P3H1: variants seen among roughly 807,000 people sequenced by gnomAD.
P3H1 encodes growth suppressor 1.
In P3H1, 69 loss-of-function variants were observed where a neutral mutation model predicts 84.0. The ratio of observed to expected loss-of-function variants is 0.82; its 90% CI spans 0.68 to 1.00. P3H1 has a LOEUF of 1.00. Among genes scored for constraint, P3H1 ranks in the 50% least tolerant of loss-of-function variants. The pLI, the probability that P3H1 is intolerant of heterozygous loss-of-function variation, is 0.00. For missense variants in P3H1, 878 were observed against 962.8 expected, an observed-to-expected ratio of 0.91 and a Z score of 1.17; for synonymous variants, 366 against 388.8, an observed-to-expected ratio of 0.94 and a Z score of 0.69.
chr1:42,748,087 C>T, intron 12 of P3H1, 113 bp downstream of exon 12: 1 of 793,228 alleles, frequency 1.3e-6, no homozygotes, highest in Non-Finnish European at 2.1e-6. Context: ...ACTCTGGGAA[C>T]AGCTAGCCCC....
chr1:42,746,714 G>C lies in P3H1; in HGVS notation c.2194C>G (p.Pro732Ala). The C allele has an allele frequency of 6.4e-7, 1 of 1,551,718 alleles. No individual in the cohort carries two copies. The highest frequency in any genetic ancestry group is 8.7e-7 in the Non-Finnish European group (1 of 1,146,978). ...GGACGCTGTCATAGCTCATCCTTGG[G>C]CTTCGATTCACTGCCTGAGAGAGAC... is the stretch of plus-strand genomic sequence containing the variant. ...QESLSGSESKPKDEL is the reference protein window; with the variant it reads ...QESLSGSESKAKDEL The change falls in exon 15 of 15, where the codon CCC becomes GCC. Residue 732 changes from proline to alanine, a missense_variant. By Grantham distance (27) the Pro-to-Ala change is conservative. Transcript: ENST00000296388.
At position 42,746,867 on chromosome 1, in the gene P3H1, C is replaced by A. The variant is rs767887202; in HGVS notation, c.2056-15G>T. The A allele has an allele frequency of 1.2e-6, 2 of 1,614,004 alleles. No homozygotes were observed. The highest frequency in any genetic ancestry group is 2.7e-5 in the African/African-American group (2 of 74,908). On this transcript the variant is annotated splice_polypyrimidine_tract_variant and intron_variant, in intron 14 of 14. Coordinates refer to ENST00000296388, the MANE Select transcript of P3H1 (RefSeq NM_022356.4). ...TGCACCCTGTCCTGCAAGGACAAAC[C>A]CCTGCCCATTCAGAGAGGCCTCCGC...
At chr1:42,764,423 CAAAA>C (rs769981372) in intron 1 of P3H1, among the ~76,000 whole-genome samples, 8 of 84,926 alleles carry the variant, frequency 9.4e-5, no homozygotes, top group African/African-American at 2.9e-4. Context: ...GACTCCATCT[CAAAA>C]AAAAAAAAAA....
In P3H1 at chr1:42,754,183, G is replaced by GGGGCAAGGAC. The variant is rs1175454949; in HGVS notation, c.1345+676_1345+685dup. 1.3e-5 allele frequency among the ~76,000 whole-genome samples: 2 copies of GGGGCAAGGAC among 152,210 alleles called. No homozygotes were observed. The highest frequency in any genetic ancestry group is 2.9e-5 in the Non-Finnish European group (2 of 68,026). On this transcript the variant is annotated intron_variant, in intron 8 of 14. Coordinates refer to ENST00000296388, the MANE Select transcript of P3H1 (RefSeq NM_022356.4). This position sits in a 1 kb window ranked among gnomAD's most constrained non-coding sequence, Gnocchi z 4.0. ...CTGGCCTAGCTACCTTGTGTGGGCA[G>GGGGCAAGGAC]GGGCAAGGACAGGCCAGACGGGGAA...
intron 2 of P3H1, chr1:42,761,245 C>T (rs1652702463): frequency 6.6e-6 from 1 of 152,204 alleles, no homozygotes; most frequent in Non-Finnish European, 1.5e-5. Context: ...GCTGGGATTA[C>T]AGGTGTTAGC....
intron 2 of P3H1, 47 bp downstream of exon 2, chr1:42,762,276 T>C (rs981506929): frequency 1.9e-6 from 3 of 1,594,252 alleles, no homozygotes; most frequent in Admixed American, 1.7e-5. Context: ...GTCTCTAAAA[T>C]AAATTTAAAA....
intron 1 of P3H1, among the ~76,000 whole-genome samples, chr1:42,766,293 G>A (rs1652991863): frequency 6.6e-6 from 1 of 152,200 alleles, no homozygotes; most frequent in Non-Finnish European, 1.5e-5. Flanking sequence ...ACCCCAGGCT[G>A]GACCTTTGGG....
Position 42,766,900 on chromosome 1 carries a change from G to T in P3H1, c.72C>A (p.Val24=). 6.2e-7 allele frequency: 1 copy of T among 1,609,118 alleles called. No homozygotes were observed. ...CCATGCCCCATCCTGCCTCGGACTC[G>T]ACCTCGGCTTGGGAGGCAGCGGCCA... ...AVVAAASQAE[V]ESEAGWGMVT... The change falls in exon 1 of 15, where the codon GTC becomes GTA. Residue 24 remains valine, a synonymous_variant. Transcript: ENST00000296388.
At chr1:42,765,658 A>G (rs955602811) in intron 1 of P3H1, among the ~76,000 whole-genome samples, 1 of 152,204 alleles carries the variant, frequency 6.6e-6, no homozygotes, top group African/African-American at 2.4e-5. Context: ...GAGGTCCCCA[A>G]GAGTCTCTAA....
intron 9 of P3H1, 45 bp from the exon 10 acceptor site, chr1:42,752,414 G>A (rs1652156138): frequency 6.2e-7 from 1 of 1,610,772 alleles, no homozygotes; most frequent in Admixed American, 1.7e-5. Flanking sequence ...GGGCAGCTGA[G>A]GGCTTGAGAA....
intron 5 of P3H1, 123 bp downstream of exon 5, chr1:42,757,660 C>G: frequency 7.1e-7 from 1 of 1,416,176 alleles, no homozygotes; most frequent in Non-Finnish European, 9.9e-7. Context: ...CACATCTGGC[C>G]CCAACACTGA....
Position 42,754,799 on chromosome 1 carries a change from T to C in P3H1, c.1345+70A>G. On this transcript the variant is annotated intron_variant, in intron 8 of 14. Coordinates refer to ENST00000296388, the MANE Select transcript of P3H1 (RefSeq NM_022356.4). The surrounding 1 kb of genome is among the most constrained non-coding windows in gnomAD (Gnocchi z 4.0). The stretch of plus-strand genomic sequence containing the variant: ...TGCAATGCTGGGGTGGAGCGCTGCC[T>C]GGCAAATGTGGGGTGACCTGCCTGG... 1 of 1,609,022 alleles carries C rather than the reference T, an allele frequency of 6.2e-7. No homozygotes were observed. Among genetic ancestry groups the C allele is most frequent in the Non-Finnish European group, 8.5e-7 (1 of 1,176,186 alleles).
In P3H1 at chr1:42,748,327, A is replaced by C; in HGVS notation, c.1721-10T>G. ...CTCTCTGCCTGGACCTCTGGGGCCA[A>C]TGTCACACATGTTAGCAAGGGAGCA... is the stretch of plus-strand genomic sequence containing the variant. On this transcript the variant is annotated splice_polypyrimidine_tract_variant and intron_variant, in intron 11 of 14. Coordinates refer to ENST00000296388, the MANE Select transcript of P3H1 (RefSeq NM_022356.4). 6.3e-7 allele frequency: 1 copy of C among 1,594,536 alleles called. No homozygotes were observed. Among genetic ancestry groups the C allele is most frequent in the Non-Finnish European group, 8.6e-7 (1 of 1,162,628 alleles).
chr1:42,751,107 G>A (rs897159742), intron 10 of P3H1, among the ~76,000 whole-genome samples: 1 of 137,418 alleles, frequency 7.3e-6, no homozygotes, highest in African/African-American at 2.8e-5. Context: ...GATGACGATG[G>A]CGGTTTTGTG....
chr1:42,755,661 T>A, intron 5 of P3H1, 24 bp from the exon 6 acceptor site: 1 of 1,581,046 alleles, frequency 6.3e-7, no homozygotes, highest in Non-Finnish European at 8.7e-7. Context: ...AGCAAACAAA[T>A]CCCCCAGAAC....
At chr1:42,762,121 T>A (rs976290240) in intron 2 of P3H1, 16 of 543,044 alleles carry the variant, frequency 2.9e-5, no homozygotes, top group African/African-American at 9.6e-5. Context: ...TAATGTCATT[T>A]AAAAAAAAAC....
chr1:42,760,343 G>C (rs1358085447), intron 2 of P3H1: 5 of 151,872 alleles, frequency 3.3e-5, no homozygotes, highest in Admixed American at 6.6e-5. Flanking sequence ...CTTACTTTTT[G>C]TTTTGTTTTG....
Position 42,766,763 on chromosome 1 carries a change from G to C in P3H1, c.209C>G (p.Ala70Gly). 1 of 1,592,048 alleles carries C rather than the reference G, an allele frequency of 6.3e-7. No homozygotes were observed. The highest frequency in any genetic ancestry group is 8.5e-7 in the Non-Finnish European group (1 of 1,172,310). Residue 70 changes from alanine (A) to glycine (G), a missense_variant, in exon 1 of 15, where the codon GCC becomes GGC. Physicochemically the swap from Ala to Gly is moderately conservative, Grantham distance 60. Coordinates refer to ENST00000296388, the MANE Select transcript of P3H1 (RefSeq NM_022356.4). ...CTGGGTGCGGCAGCGCAGGCGAAGGGCGCGGAGGGCTGCCCGGGAGCGCAG... is the reference window on the plus strand; with the variant it reads ...CTGGGTGCGGCAGCGCAGGCGAAGGCCGCGGAGGGCTGCCCGGGAGCGCAG... The part of the protein sequence containing the change: ...RALRSRAALR[A>G]LRLRCRTQCA...
intron 11 of P3H1, 34 bp downstream of exon 11, chr1:42,750,152 C>CG (rs1557562103): frequency 6.2e-7 from 1 of 1,603,944 alleles, no homozygotes; most frequent in African/African-American, 1.3e-5. Flanking sequence ...GTACAGCATG[C>CG]GGGGGCGGGT....
Sources: gnomAD v4.1 joint callset for allele counts (sites outside exome capture counted in the v4.1 genomes callset) on GRCh38, gnomAD v4.1.1 for gene constraint, Gnocchi (gnomAD v3.1) non-coding constraint, MANE v1.5 for transcripts, NCBI Gene and HGNC (gene_info 2026-07-23, HGNC 2026-07-21) for gene names.